APMAP: variants seen among roughly 807,000 people sequenced by gnomAD.
The protein encoded by APMAP is adipocyte plasma membrane-associated protein.
APMAP carries 33 observed loss-of-function variants against 43.6 expected under a neutral mutation model. The ratio of observed to expected loss-of-function variants is 0.76; its 90% CI spans 0.57 to 1.01. The LOEUF (loss-of-function observed/expected upper bound fraction) is 1.01. Among genes scored for constraint, APMAP ranks in the 50% least tolerant of loss-of-function variants. The probability of loss-of-function intolerance (pLI) is 0.00; values close to 1 mark genes in which losing one functional copy is unlikely to be tolerated. For synonymous variants in APMAP, 224 were observed against 216.7 expected (o/e 1.03, Z -0.30); for missense variants, 498 against 540.7 (o/e 0.92, Z 0.78).
At chr20:24,992,166 G>A (rs1452778336) in intron 1 of APMAP, among the ~76,000 whole-genome samples, 1 of 152,230 alleles carries the variant, frequency 6.6e-6, no homozygotes, top group Non-Finnish European at 1.5e-5. Flanking sequence ...TGCGAGCGGG[G>A]AACCAGGAAC....
chr20:24,966,558 G>A (rs758901946), intron 8 of APMAP, among the ~76,000 whole-genome samples: 2 of 152,136 alleles, frequency 1.3e-5, no homozygotes, highest in South Asian at 2.1e-4. Context: ...CCAACGATGC[G>A]AGAGCAGAAT....
At chr20:24,983,182 T>C (rs2088119610) in intron 2 of APMAP, among the ~76,000 whole-genome samples, 1 of 152,266 alleles carries the variant, frequency 6.6e-6, no homozygotes, top group African/African-American at 2.4e-5. Context: ...ATTCAGCTAG[T>C]ATGTTATATT....
chr20:24,973,657 A>G lies in APMAP; in HGVS notation c.409T>C (p.Ser137Pro). The G allele has an allele frequency of 6.2e-7, 1 of 1,614,066 alleles. No homozygotes were observed. Among genetic ancestry groups the G allele is most frequent in the East Asian group, 2.2e-5 (1 of 44,886 alleles). The change falls in exon 4 of 9, where the codon TCG (serine) becomes CCG (proline). Residue 137 changes from serine to proline, a missense_variant. Physicochemically the swap from Ser to Pro is moderately conservative, Grantham distance 74. Coordinates refer to ENST00000217456, the MANE Select transcript of APMAP (RefSeq NM_020531.3). ...ATCACCAACTTACTGCAAGGGCCCGAACCAAACCGGGCAATGGTCTCTATT... is the reference window on the plus strand; with the variant it reads ...ATCACCAACTTACTGCAAGGGCCCGGACCAAACCGGGCAATGGTCTCTATT... ...GEIETIARFG[S>P]GPCKTRDDEP...
chr20:24,986,583 G>A (rs569980731), intron 1 of APMAP, among the ~76,000 whole-genome samples: 17 of 152,208 alleles, frequency 1.1e-4, no homozygotes, highest in African/African-American at 1.7e-4. Context: ...CTGACATGAC[G>A]GCAGGCTCAT....
chr20:24,992,705 T>A lies in APMAP; in HGVS notation c.-17A>T. On this transcript the variant is annotated 5_prime_UTR_variant, in exon 1 of 9. Coordinates refer to ENST00000217456, the MANE Select transcript of APMAP (RefSeq NM_020531.3). ...CTCGCTCATGGTACGGGCGCCAGCCTCACCCGCAGAAACCACCTCACACTG... is the reference window on the plus strand; with the variant it reads ...CTCGCTCATGGTACGGGCGCCAGCCACACCCGCAGAAACCACCTCACACTG... 6.7e-7 allele frequency: 1 copy of A among 1,500,414 alleles called. No individual in the cohort carries two copies. The highest frequency in any genetic ancestry group is 1.2e-5 in the South Asian group (1 of 81,090). The allele number at this position is 1,500,414 out of a possible 1,614,324, so 92.9% of individuals were successfully genotyped here.
intron 1 of APMAP, among the ~76,000 whole-genome samples, chr20:24,986,369 G>C (rs2088147004): frequency 6.6e-6 from 1 of 152,180 alleles, no homozygotes; most frequent in Non-Finnish European, 1.5e-5. Flanking sequence ...AAATGCCACA[G>C]ACACACCAGG....
At chr20:24,984,405 A>G (rs2088131251) in intron 1 of APMAP, among the ~76,000 whole-genome samples, 1 of 152,192 alleles carries the variant, frequency 6.6e-6, no homozygotes, top group Admixed American at 6.5e-5. Context: ...GTAATTCTCA[A>G]AAGCTACGCA....
At chr20:24,973,533 C>G in intron 4 of APMAP, 112 bp downstream of exon 4, 1 of 1,042,166 alleles carries the variant, frequency 9.6e-7, no homozygotes. Flanking sequence ...ACTAGATGGT[C>G]AGAGGTTCTT....
intron 1 of APMAP, among the ~76,000 whole-genome samples, 171 bp from the exon 2 acceptor site, chr20:24,984,190 C>T (rs949206232): frequency 6.6e-6 from 1 of 152,078 alleles, no homozygotes; most frequent in Non-Finnish European, 1.5e-5. Context: ...CTAGGATTGG[C>T]AAACACACTT....
intron 8 of APMAP, among the ~76,000 whole-genome samples, chr20:24,965,549 T>C (rs2087935295): frequency 1.3e-5 from 2 of 152,094 alleles, no homozygotes; most frequent in African/African-American, 4.8e-5. Context: ...TGGCACGGGC[T>C]GTCAGGGCCC....
intron 2 of APMAP, among the ~76,000 whole-genome samples, chr20:24,980,479 A>G (rs1215318889): frequency 6.6e-6 from 1 of 151,484 alleles, no homozygotes. Flanking sequence ...CATAGTCAAG[A>G]GGCCATGCTC....
intron 6 of APMAP, 48 bp from the exon 7 acceptor site, chr20:24,969,708 C>T (rs754042442): frequency 3.2e-6 from 5 of 1,573,382 alleles, no homozygotes; most frequent in Non-Finnish European, 4.3e-6. Flanking sequence ...TCCCTGGCTC[C>T]CACTCTGGGC....
rs982188049 is a variant in APMAP, at chr20:24,992,725, A to G, written c.-37T>C. ...CAGCCTCACCCGCAGAAACCACCTCACACTGAGCGGCGCCGGCTCAGACTC... is the reference window on the plus strand; with the variant it reads ...CAGCCTCACCCGCAGAAACCACCTCGCACTGAGCGGCGCCGGCTCAGACTC... On this transcript the variant is annotated 5_prime_UTR_variant, in exon 1 of 9. Coordinates refer to ENST00000217456, the MANE Select transcript of APMAP (RefSeq NM_020531.3). 3.5e-6 allele frequency: 5 copies of G among 1,438,372 alleles called. No homozygotes were observed. Among genetic ancestry groups the G allele is most frequent in the Non-Finnish European group, 4.6e-6 (5 of 1,082,840 alleles). 89.1% of individuals were successfully genotyped at this position (1,438,372 alleles called of 1,614,324 possible).
rs1235675211 is a variant in APMAP at position 24,969,085 on chromosome 20, C to T, written c.849-1G>A. ...CTTCATCAGGCCAGAAACGTAGACTCTGAAAAATTCACCCAAGCAGAGAGT... is the reference window on the plus strand; with the variant it reads ...CTTCATCAGGCCAGAAACGTAGACTTTGAAAAATTCACCCAAGCAGAGAGT... On this transcript the variant is annotated splice_acceptor_variant, in intron 7 of 8. Coordinates refer to ENST00000217456, the MANE Select transcript of APMAP (RefSeq NM_020531.3). LOFTEE classifies it high-confidence loss of function. 1 of 1,577,584 alleles carries T rather than the reference C, an allele frequency of 6.3e-7. No homozygotes were observed. Among genetic ancestry groups the T allele is most frequent in the East Asian group, 2.3e-5 (1 of 44,226 alleles).
At chr20:24,988,979 C>G (rs2088170011) in intron 1 of APMAP, among the ~76,000 whole-genome samples, 1 of 152,134 alleles carries the variant, frequency 6.6e-6, no homozygotes, top group South Asian at 2.1e-4. Flanking sequence ...GACCCCTGCT[C>G]TGGGTGCCAC....
intron 8 of APMAP, chr20:24,964,503 C>T (rs2087927230): frequency 2.1e-6 from 1 of 467,812 alleles, no homozygotes; most frequent in South Asian, 1.5e-5. Flanking sequence ...GCAAGCAGGT[C>T]CACAGACCAC....
Position 24,978,739 on chromosome 20 carries a change from C to T in APMAP, c.328+28G>A, listed in dbSNP as rs1555845573. 16 of 1,081,258 alleles carry T rather than the reference C, an allele frequency of 1.5e-5. No homozygotes were observed. The East Asian group carries it at 4.1e-4, about 28-fold the overall frequency. The allele number at this position is 1,081,258 out of a possible 1,614,324, so 67.0% of individuals were successfully genotyped here. A position where few individuals can be genotyped will look rare whatever the true frequency, so the allele number is the denominator to read the frequency against. On this transcript the variant is annotated intron_variant, in intron 3 of 8. Coordinates refer to ENST00000217456, the MANE Select transcript of APMAP (RefSeq NM_020531.3). ...CTCAGACAACAGACAGCCTGGAAGG[C>T]TCCCCCCCCACCCAAGCTTAGACTT...
Position 24,963,389 on chromosome 20 carries a change from C to G in APMAP, c.*424G>C. The G allele has an allele frequency of 5.3e-6, 1 of 189,210 alleles. No individual in the cohort carries two copies. The allele number at this position is 189,210 out of a possible 1,614,324, so 11.7% of individuals were successfully genotyped here. On this transcript the variant is annotated 3_prime_UTR_variant, in exon 9 of 9. Coordinates refer to ENST00000217456, the MANE Select transcript of APMAP (RefSeq NM_020531.3). The stretch of plus-strand genomic sequence containing the variant: ...CCCACCACAACGAAGAAAGGTATGA[C>G]CGCACGTTATATATAGTAAAGAAGA...
intron 2 of APMAP, among the ~76,000 whole-genome samples, chr20:24,979,157 C>A (rs1324572019): frequency 6.6e-6 from 1 of 152,234 alleles, no homozygotes; most frequent in African/African-American, 2.4e-5. Flanking sequence ...ATCCTCCAGC[C>A]TCCCCAGCTC....
Sources: gnomAD v4.1 joint callset for allele counts (sites outside exome capture counted in the v4.1 genomes callset) on GRCh38, gnomAD v4.1.1 for gene constraint, MANE v1.5 for transcripts, NCBI Gene and HGNC (gene_info 2026-07-23, HGNC 2026-07-21) for gene names.